Variants in SCAMP1 observed in about 807,000 individuals in gnomAD.
SCAMP1 encodes secretory carrier membrane protein 1, also known as secretory carrier-associated membrane protein 1.
SCAMP1 carries 15 observed loss-of-function variants against 41.8 expected under a neutral mutation model. The observed-to-expected ratio is 0.36, with a 90% CI of 0.24 to 0.55. The LOEUF (loss-of-function observed/expected upper bound fraction) is 0.55, where lower values mean the gene tolerates loss of function less well. Among genes scored for constraint, SCAMP1 ranks in the 20% least tolerant of loss-of-function variants. SCAMP1 has a pLI of 0.86. For synonymous variants in SCAMP1, 135 were observed against 136.8 expected, an observed-to-expected ratio of 0.99 and a Z score of 0.09; for missense variants, 341 against 412.6, an observed-to-expected ratio of 0.83 and a Z score of 1.50.
At chr5:78,453,326 G>A (rs369194731) in intron 7 of SCAMP1, among the ~76,000 whole-genome samples, 7 of 148,530 alleles carry the variant, frequency 4.7e-5, no homozygotes, top group African/African-American at 1.2e-4. Context: ...TAGGTCTAAC[G>A]TTTAAGTCTT....
Position 78,476,391 on chromosome 5 carries a change from T to C in SCAMP1, c.*723T>C, listed in dbSNP as rs1754005988. On this transcript the variant is annotated 3_prime_UTR_variant, in exon 9 of 9. Transcript: ENST00000621999. Reference sequence around the variant, plus strand: ...AAGAATTTCTTTTAAATAAAAAGTTTGGGGGTGCAATATAAGAAGTTTATA... The same window carrying C: ...AAGAATTTCTTTTAAATAAAAAGTTCGGGGGTGCAATATAAGAAGTTTATA... 1 of 152,366 alleles carries C rather than the reference T, an allele frequency of 6.6e-6. No homozygotes were observed. Among genetic ancestry groups the C allele is most frequent in the Non-Finnish European group, 1.5e-5 (1 of 68,016 alleles). 9.4% of individuals were successfully genotyped at this position (152,366 alleles called of 1,614,324 possible). A position where few individuals can be genotyped will look rare whatever the true frequency, so the allele number is the denominator to read the frequency against.
chr5:78,372,527 T>G (rs1168287445), intron 1 of SCAMP1, among the ~76,000 whole-genome samples: 3 of 151,102 alleles, frequency 2.0e-5, no homozygotes, highest in Non-Finnish European at 4.4e-5. Flanking sequence ...ATCATAACCT[T>G]AAAAACTAAT....
chr5:78,427,800 C>T lies in SCAMP1; in HGVS notation c.632+5840C>T, dbSNP rs115458733. Among the ~76,000 whole-genome samples, 1,028 of 152,126 alleles carry T rather than the reference C, an allele frequency of 6.8e-3. 7 individuals carry two copies. Among genetic ancestry groups the T allele is most frequent in the African/African-American group, 0.024 (977 of 41,486 alleles). ...CTAGTTACTGATGAAGTTTGAGCAC[C>T]TTTTTATTTGCTTATTAGACGTGTG... On this transcript the variant is annotated intron_variant, in intron 6 of 8. Coordinates refer to ENST00000621999, the MANE Select transcript of SCAMP1 (RefSeq NM_004866.6).
chr5:78,413,667 C>G (rs1290442839), intron 2 of SCAMP1, among the ~76,000 whole-genome samples: 1 of 152,188 alleles, frequency 6.6e-6, no homozygotes, highest in Non-Finnish European at 1.5e-5. Flanking sequence ...ATCTGCCCAC[C>G]TTGGCCTCCC....
chr5:78,430,500 A>G (rs1752594304), intron 6 of SCAMP1, among the ~76,000 whole-genome samples: 1 of 151,772 alleles, frequency 6.6e-6, no homozygotes, highest in East Asian at 1.9e-4. Flanking sequence ...AACCAGAAAA[A>G]GAGATTTTTT....
intron 2 of SCAMP1, among the ~76,000 whole-genome samples, chr5:78,398,794 C>T (rs960328941): frequency 7.2e-5 from 11 of 152,082 alleles, no homozygotes; most frequent in Non-Finnish European, 1.5e-4. Flanking sequence ...ATCCCCCTGC[C>T]TCAACCTCCC....
At chr5:78,368,926 A>T (rs941334674) in intron 1 of SCAMP1, among the ~76,000 whole-genome samples, 2 of 152,008 alleles carry the variant, frequency 1.3e-5, no homozygotes, top group African/African-American at 2.4e-5. Context: ...AAAATCTGCT[A>T]CCATGGCCTG....
intron 2 of SCAMP1, among the ~76,000 whole-genome samples, chr5:78,400,410 C>A (rs1229184834): frequency 6.6e-6 from 1 of 152,080 alleles, no homozygotes; most frequent in African/African-American, 2.4e-5. Context: ...AAATAACTTG[C>A]TGGGATTTTG....
chr5:78,452,221 A>C (rs1439928396), intron 7 of SCAMP1, among the ~76,000 whole-genome samples: 1 of 150,520 alleles, frequency 6.6e-6, no homozygotes, highest in East Asian at 1.9e-4. Flanking sequence ...TTTAGGGTAC[A>C]TGTGCACATT....
intron 2 of SCAMP1, among the ~76,000 whole-genome samples, chr5:78,397,474 C>T (rs1195943500): frequency 6.6e-6 from 1 of 152,060 alleles, no homozygotes; most frequent in Non-Finnish European, 1.5e-5. Context: ...AGAAAACAGG[C>T]AATTTGGACA....
intron 8 of SCAMP1, 136 bp from the exon 9 acceptor site, chr5:78,475,368 G>A (rs1247455979): frequency 1.2e-5 from 6 of 511,016 alleles, no homozygotes; most frequent in Non-Finnish European, 1.6e-5. Context: ...TCAGTTTGGT[G>A]GCTAATATTC....
At chr5:78,430,367 T>G (rs1752589347) in intron 6 of SCAMP1, among the ~76,000 whole-genome samples, 1 of 149,452 alleles carries the variant, frequency 6.7e-6, no homozygotes, top group African/African-American at 2.5e-5. Flanking sequence ...ATTGCTACAG[T>G]AAATGCCTTA....
chr5:78,470,030 C>T (rs953922784), intron 8 of SCAMP1, among the ~76,000 whole-genome samples: 1 of 148,812 alleles, frequency 6.7e-6, no homozygotes, highest in Non-Finnish European at 1.5e-5. Context: ...TTTGAGGCTG[C>T]AGTGAGCTAT....
intron 1 of SCAMP1, among the ~76,000 whole-genome samples, chr5:78,371,879 A>G (rs1429573370): frequency 2.0e-5 from 3 of 152,238 alleles, no homozygotes; most frequent in African/African-American, 7.2e-5. Flanking sequence ...GGATATGCGT[A>G]TAGTGTAAAG....
chr5:78,367,389 G>T (rs1456910269), intron 1 of SCAMP1, among the ~76,000 whole-genome samples: 2 of 152,048 alleles, frequency 1.3e-5, no homozygotes, highest in Non-Finnish European at 2.9e-5. Context: ...CACTAAAGTG[G>T]CTTCAGTCAC....
At chr5:78,469,005 C>G (rs932360555) in intron 8 of SCAMP1, among the ~76,000 whole-genome samples, 1 of 152,106 alleles carries the variant, frequency 6.6e-6, no homozygotes, top group Non-Finnish European at 1.5e-5. Context: ...CCCATGTATA[C>G]AAAAAGCCTT....
chr5:78,390,848 ATGACTCTTAACGAGCATGC>A (rs1035286810), intron 2 of SCAMP1, among the ~76,000 whole-genome samples: 3 of 150,898 alleles, frequency 2.0e-5, no homozygotes, highest in Admixed American at 6.6e-5. Flanking sequence ...GGGAGTGGTG[ATGACTCTTAACGAGCATGC>A]TGCCTTCAAG....
intron 7 of SCAMP1, among the ~76,000 whole-genome samples, chr5:78,453,797 AT>A (rs1753307640): frequency 6.6e-6 from 1 of 152,062 alleles, no homozygotes; most frequent in South Asian, 2.1e-4. Context: ...TTTTCACGAT[AT>A]TGATTCTTCC....
chr5:78,447,879 CTT>C (rs1753095186), intron 6 of SCAMP1, among the ~76,000 whole-genome samples: 1 of 101,184 alleles, frequency 9.9e-6, no homozygotes, highest in African/African-American at 3.8e-5. Context: ...TCCCCTACCC[CTT>C]CCTCCCCCTT....
Sources: allele counts gnomAD v4.1 joint callset (sites outside exome capture counted in the v4.1 genomes callset), GRCh38; gene constraint gnomAD v4.1.1; transcripts MANE v1.5; gene names NCBI Gene and HGNC (gene_info 2026-07-23, HGNC 2026-07-21).